RBFOX1: variants seen among roughly 807,000 people sequenced by gnomAD.
RBFOX1 encodes RNA binding protein fox-1 homolog 1.
In RBFOX1, 8 loss-of-function variants were observed where a neutral mutation model predicts 57.7. The ratio of observed to expected loss-of-function variants is 0.14; its 90% CI spans 0.08 to 0.25. The LOEUF (loss-of-function observed/expected upper bound fraction) is 0.25. Ranked by LOEUF, RBFOX1 falls within the 10% of genes least tolerant of loss-of-function variation. RBFOX1 has a pLI of 1.00. For missense variants in RBFOX1, 611 were observed against 548.5 expected (o/e 1.11, Z -1.14); for synonymous variants, 326 against 222.4 (o/e 1.47, Z -4.15).
chr16:7,132,828 A>G (rs1531561), intron 4 of RBFOX1, among the ~76,000 whole-genome samples: 72,449 of 151,958 alleles, frequency 0.48, 19,230 homozygotes, highest in East Asian at 0.65. Flanking sequence ...AAAAAGATAC[A>G]TCTTTCAGTA....
rs2096128264 is a variant in RBFOX1, at chr16:7,304,635, C to T, written c.28-213512C>T. On this transcript the variant is annotated intron_variant, in intron 4 of 15. Coordinates refer to ENST00000550418, the MANE Select transcript of RBFOX1 (RefSeq NM_018723.4). ...GGAAAGGGTGGATGGAAGCCTCCTG[C>T]TCTCTGTGGAGCCCGGGCACCTCGC... is the stretch of plus-strand genomic sequence containing the variant. 3 of 964,902 alleles carry T rather than the reference C, an allele frequency of 3.1e-6. No homozygotes were observed. The South Asian group carries it at 1.4e-4, about 46-fold the overall frequency. 59.8% of individuals were successfully genotyped at this position (964,902 alleles called of 1,614,324 possible). A position where few individuals can be genotyped will look rare whatever the true frequency, so the allele number is the denominator to read the frequency against.
Position 7,342,162 on chromosome 16 carries a change from G to T in RBFOX1, c.28-175985G>T, listed in dbSNP as rs149651227. Among the ~76,000 whole-genome samples the T allele has an allele frequency of 6.6e-5, 10 of 152,260 alleles. No homozygotes were observed. In the East Asian group the frequency reaches 1.7e-3, roughly 26 times the overall value. ...CCTGAGTCTGGCCATTACTCTCTCTGTGTTACTCTTGGTAAGTTGCTTGAC... is the reference window on the plus strand; with the variant it reads ...CCTGAGTCTGGCCATTACTCTCTCTTTGTTACTCTTGGTAAGTTGCTTGAC... On this transcript the variant is annotated intron_variant, in intron 4 of 15. Transcript: ENST00000550418.
chr16:7,250,264 A>G (rs769556984), intron 4 of RBFOX1, among the ~76,000 whole-genome samples: 3 of 152,220 alleles, frequency 2.0e-5, no homozygotes, highest in African/African-American at 7.2e-5. Flanking sequence ...ATTAGGTGAA[A>G]AATAACACTG....
At chr16:5,854,147 A>G (rs903519937) in intron 3 of RBFOX1, among the ~76,000 whole-genome samples, 2 of 152,236 alleles carry the variant, frequency 1.3e-5, no homozygotes, top group Non-Finnish European at 2.9e-5. Context: ...GCTAATGATC[A>G]TATCTGTCAC....
In RBFOX1 at chr16:7,665,208, C is replaced by A. The variant is rs533619690; in HGVS notation, c.930+240C>A. 2.6e-5 allele frequency among the ~76,000 whole-genome samples: 4 copies of A among 152,220 alleles called. No individual in the cohort carries two copies. In the South Asian group the frequency reaches 6.2e-4, roughly 24 times the overall value. ...GATCAACTTCAGAACGAATGCAATTCCCCCAAAAAGGTGGCATTTCTTTCA... is the reference window on the plus strand; with the variant it reads ...GATCAACTTCAGAACGAATGCAATTACCCCAAAAAGGTGGCATTTCTTTCA... On this transcript the variant is annotated intron_variant, in intron 13 of 15. Transcript: ENST00000550418.
chr16:6,469,744 G>A (rs1048190444), intron 2 of RBFOX1, among the ~76,000 whole-genome samples: 4 of 152,144 alleles, frequency 2.6e-5, no homozygotes, highest in African/African-American at 9.6e-5. Flanking sequence ...CTCAGAATCG[G>A]AACTTTGAGC....
chr16:5,909,576 A>G (rs533571944), intron 4 of RBFOX1, among the ~76,000 whole-genome samples: 4 of 152,236 alleles, frequency 2.6e-5, no homozygotes, highest in South Asian at 2.1e-4. Context: ...GATCCATGCA[A>G]TCTCTCTTAT....
chr16:6,718,091 C>T (rs1270948613), intron 3 of RBFOX1, among the ~76,000 whole-genome samples: 2 of 152,188 alleles, frequency 1.3e-5, no homozygotes, highest in Non-Finnish European at 2.9e-5. Flanking sequence ...CCAGTGGCTA[C>T]TTCTTACCCA....
intron 3 of RBFOX1, among the ~76,000 whole-genome samples, chr16:6,749,945 G>T (rs1603525030): frequency 6.6e-6 from 1 of 152,324 alleles, no homozygotes; most frequent in Admixed American, 6.5e-5. Flanking sequence ...AGGGTGTTCA[G>T]AGTTAGTAGG....
At chr16:5,472,868 G>T (rs890114955) in intron 2 of RBFOX1, among the ~76,000 whole-genome samples, 1 of 152,218 alleles carries the variant, frequency 6.6e-6, no homozygotes, top group Non-Finnish European at 1.5e-5. Flanking sequence ...AAGGGTGTCT[G>T]ACTTCCAGAG....
intron 3 of RBFOX1, among the ~76,000 whole-genome samples, chr16:6,840,028 G>C (rs2093370562): frequency 6.6e-6 from 1 of 151,946 alleles, no homozygotes; most frequent in Non-Finnish European, 1.5e-5. Flanking sequence ...ATGGACCCTG[G>C]GAAGGATAAT....
At chr16:7,579,326 T>G (rs981355678) in intron 5 of RBFOX1, among the ~76,000 whole-genome samples, 1 of 152,206 alleles carries the variant, frequency 6.6e-6, no homozygotes, top group Non-Finnish European at 1.5e-5. Flanking sequence ...TATCTTCAGA[T>G]TCTGAACAGC....
At chr16:5,390,271 C>T (rs993670429) in intron 1 of RBFOX1, among the ~76,000 whole-genome samples, 22 of 141,726 alleles carry the variant, frequency 1.6e-4, no homozygotes, top group Non-Finnish European at 2.7e-4. Flanking sequence ...ATGTAAATAT[C>T]GAAAAGTAGT....
intron 3 of RBFOX1, among the ~76,000 whole-genome samples, chr16:6,999,785 C>T (rs1009980251): frequency 2.6e-4 from 40 of 151,750 alleles, no homozygotes; most frequent in East Asian, 1.2e-3. Flanking sequence ...TTAAAATTAG[C>T]AATAGGCCAG....
chr16:5,248,453 C>A (rs1459448773), intron 1 of RBFOX1, among the ~76,000 whole-genome samples: 1 of 152,192 alleles, frequency 6.6e-6, no homozygotes, highest in Non-Finnish European at 1.5e-5. Context: ...GCAGCCTTTC[C>A]CCTTCTATTC....
chr16:5,413,797 G>C (rs1438969605), intron 1 of RBFOX1, among the ~76,000 whole-genome samples: 2 of 152,146 alleles, frequency 1.3e-5, no homozygotes, highest in Non-Finnish European at 2.9e-5. Context: ...AGACCGGTAG[G>C]GGTGAGGTGT....
chr16:7,329,846 A>G (rs780929922), intron 4 of RBFOX1, among the ~76,000 whole-genome samples: 7 of 152,184 alleles, frequency 4.6e-5, no homozygotes, highest in African/African-American at 9.7e-5. Context: ...AGGTATAACT[A>G]TATATCTCTA....
chr16:6,026,986 A>T (rs1303126703), intron 1 of RBFOX1, among the ~76,000 whole-genome samples: 1 of 152,256 alleles, frequency 6.6e-6, no homozygotes, highest in Non-Finnish European at 1.5e-5. Context: ...ATTTCTTCTG[A>T]GAACAAAATT....
chr16:6,590,550 T>A (rs1445958568), intron 2 of RBFOX1, among the ~76,000 whole-genome samples: 1 of 152,212 alleles, frequency 6.6e-6, no homozygotes, highest in East Asian at 1.9e-4. Flanking sequence ...GCGACTAGTT[T>A]GTAACTCATT....
Sources: gnomAD v4.1 joint callset for allele counts (sites outside exome capture counted in the v4.1 genomes callset) on GRCh38, gnomAD v4.1.1 for gene constraint, MANE v1.5 for transcripts, NCBI Gene and HGNC (gene_info 2026-07-23, HGNC 2026-07-21) for gene names.